The following WWP2 variants were observed in gnomAD, a reference collection of about 807,000 sequenced individuals.
WWP2 encodes the protein NEDD4-like E3 ubiquitin-protein ligase WWP2.
Under a neutral mutation model 121.0 loss-of-function variants are expected in WWP2, and 57 were observed. The observed-to-expected ratio is 0.47, with a 90% CI of 0.38 to 0.59. The LOEUF (loss-of-function observed/expected upper bound fraction) is 0.59. Among genes scored for constraint, WWP2 ranks in the 20% least tolerant of loss-of-function variants. WWP2 has a pLI of 0.00. For synonymous variants in WWP2, 449 were observed against 441.3 expected, an observed-to-expected ratio of 1.02 and a Z score of -0.22; for missense variants, 962 against 1,158.9, an observed-to-expected ratio of 0.83 and a Z score of 2.47.
rs914719823 is a variant in WWP2, at chr16:69,937,728, C to T, written c.2343+76C>T. 2.4e-5 allele frequency: 34 copies of T among 1,412,172 alleles called. No individual in the cohort carries two copies. The East Asian group carries it at 6.2e-4, about 26-fold the overall frequency. 87.5% of individuals were successfully genotyped at this position (1,412,172 alleles called of 1,614,324 possible). A position where few individuals can be genotyped will look rare whatever the true frequency, so the allele number is the denominator to read the frequency against. ...GGAAACGGGTCCTGAGGAGGCCTCA[C>T]GCGCAAGGACCTTCAGCTTTGGCCC... On this transcript the variant is annotated intron_variant, in intron 21 of 23. Coordinates refer to ENST00000359154, the MANE Select transcript of WWP2 (RefSeq NM_001270454.2). This position sits in a 1 kb window ranked among gnomAD's most constrained non-coding sequence, Gnocchi z 6.6.
intron 2 of WWP2, among the ~76,000 whole-genome samples, chr16:69,796,157 T>C (rs1298453947): frequency 6.6e-6 from 1 of 152,094 alleles, no homozygotes; most frequent in African/African-American, 2.4e-5. Context: ...TTAAAAAATG[T>C]GTTTGTTGGG....
chr16:69,796,034 G>A (rs777729788), intron 2 of WWP2, among the ~76,000 whole-genome samples: 10 of 149,082 alleles, frequency 6.7e-5, no homozygotes, highest in Admixed American at 3.3e-4. Context: ...TTTTTTTTGC[G>A]ATGATGGGCA....
At chr16:69,846,048 T>TGAAAAAAAAAAAA (rs1567700143) in intron 6 of WWP2, among the ~76,000 whole-genome samples, 2 of 1,734 alleles carry the variant, frequency 1.2e-3, no homozygotes, top group Admixed American at 4.9e-3. Context: ...AGACTCCATC[T>TGAAAAAAAAAAAA]CAAAAAAAAA....
At chr16:69,939,516 C>A (rs2058847965) in intron 23 of WWP2, 103 bp downstream of exon 23, 1 of 1,242,946 alleles carries the variant, frequency 8.0e-7, no homozygotes, top group Non-Finnish European at 1.1e-6. Context: ...AGTCTGGCAG[C>A]TTTTGCGTGG....
intron 8 of WWP2, chr16:69,890,775 T>A (rs1416344132): frequency 1.3e-5 from 2 of 152,198 alleles, no homozygotes; most frequent in Non-Finnish European, 2.9e-5. Context: ...GCTGGAAAAC[T>A]CCAGGCTCTG....
intron 7 of WWP2, among the ~76,000 whole-genome samples, chr16:69,878,641 C>T (rs982806374): frequency 1.3e-5 from 2 of 152,094 alleles, no homozygotes; most frequent in African/African-American, 2.4e-5. Context: ...GGATTGCAGA[C>T]GTGAGCCACT....
At chr16:69,817,499 C>G (rs191946008) in intron 4 of WWP2, among the ~76,000 whole-genome samples, 1 of 152,282 alleles carries the variant, frequency 6.6e-6, no homozygotes, top group East Asian at 1.9e-4. Flanking sequence ...ATCCACCCAC[C>G]TTGGCCTCCC....
chr16:69,935,761 C>T lies in WWP2; in HGVS notation c.1843-92C>T, dbSNP rs187965095. 83 of 1,516,342 alleles carry T rather than the reference C, an allele frequency of 5.5e-5. No individual in the cohort carries two copies. The Middle Eastern group carries it at 5.8e-4, about 11-fold the overall frequency. The allele number at this position is 1,516,342 out of a possible 1,614,324, so 93.9% of individuals were successfully genotyped here. The stretch of plus-strand genomic sequence containing the variant: ...TCTGTCAGGGAAGGAAGGCGGGTAG[C>T]GGTAGCAGAGTTTGATACCGAGCAT... On this transcript the variant is annotated intron_variant, in intron 17 of 23. Transcript: ENST00000359154. This position sits in a 1 kb window ranked among gnomAD's most constrained non-coding sequence, Gnocchi z 5.2.
At chr16:69,913,274 C>A (rs1413976646) in intron 9 of WWP2, among the ~76,000 whole-genome samples, 2 of 151,056 alleles carry the variant, frequency 1.3e-5, no homozygotes, top group African/African-American at 4.9e-5. Flanking sequence ...ATCAGGTGAG[C>A]CACCCACCTC....
Position 69,918,135 on chromosome 16 carries a change from TC to T in WWP2, c.1179+254del, listed in dbSNP as rs144194905. Among the ~76,000 whole-genome samples the T allele has an allele frequency of 1.9e-3, 283 of 152,344 alleles. 1 individual carries two copies. Among genetic ancestry groups the T allele is most frequent in the African/African-American group, 6.0e-3 (249 of 41,582 alleles). On this transcript the variant is annotated intron_variant, in intron 10 of 23. Transcript: ENST00000359154. ...CTAAAACTGAATTCCCCGTCTTTCT[TC>T]CGAGATCGGCTTTCATTTCTGCCCC... is the stretch of plus-strand genomic sequence containing the variant.
intron 21 of WWP2, among the ~76,000 whole-genome samples, chr16:69,938,803 G>T (rs1290183374): frequency 2.6e-5 from 4 of 152,230 alleles, no homozygotes; most frequent in Non-Finnish European, 5.9e-5. Flanking sequence ...GTGTCCCTGA[G>T]ACCCAGAGAT....
intron 4 of WWP2, among the ~76,000 whole-genome samples, chr16:69,833,386 C>T (rs191995202): frequency 3.4e-4 from 52 of 150,940 alleles, no homozygotes; most frequent in East Asian, 1.9e-4. Context: ...GATCTAGAGG[C>T]TGAGACTGAC....
At chr16:69,854,464 C>T (rs1035665861) in intron 6 of WWP2, among the ~76,000 whole-genome samples, 18 of 151,822 alleles carry the variant, frequency 1.2e-4, no homozygotes, top group African/African-American at 4.3e-4. Flanking sequence ...TTAGTGACTG[C>T]CTTTCTGGTG....
At chr16:69,886,230 C>T (rs887625619) in intron 7 of WWP2, among the ~76,000 whole-genome samples, 2 of 152,158 alleles carry the variant, frequency 1.3e-5, no homozygotes, top group African/African-American at 4.8e-5. Context: ...CAGGTGGGCA[C>T]CACCATGCCC....
intron 9 of WWP2, among the ~76,000 whole-genome samples, chr16:69,912,060 C>T (rs1194295405): frequency 1.3e-5 from 2 of 152,046 alleles, no homozygotes; most frequent in Admixed American, 6.6e-5. Context: ...GAGGCCGAGG[C>T]AGGTGGATCA....
At chr16:69,916,687 G>C (rs1229655493) in intron 9 of WWP2, among the ~76,000 whole-genome samples, 1 of 152,116 alleles carries the variant, frequency 6.6e-6, no homozygotes, top group Non-Finnish European at 1.5e-5. Flanking sequence ...TTGACATGAG[G>C]AGACTGAAGA....
chr16:69,863,939 A>G (rs1395003986), intron 6 of WWP2, among the ~76,000 whole-genome samples: 1 of 152,200 alleles, frequency 6.6e-6, no homozygotes, highest in Non-Finnish European at 1.5e-5. Context: ...TGTATGTACC[A>G]CAGTTGGTCT....
intron 17 of WWP2, among the ~76,000 whole-genome samples, chr16:69,934,874 G>A (rs554135607): frequency 6.6e-6 from 1 of 152,256 alleles, no homozygotes; most frequent in East Asian, 1.9e-4. Flanking sequence ...GCCCAGAGAG[G>A]GCGCGCCAGT....
intron 19 of WWP2, 148 bp downstream of exon 19, chr16:69,936,600 T>C (rs1396485759): frequency 2.5e-6 from 3 of 1,180,608 alleles, no homozygotes; most frequent in Non-Finnish European, 3.5e-6. Flanking sequence ...TGGGCGGTCA[T>C]GTGATGGCGC....
Sources: gnomAD v4.1 joint callset for allele counts (sites outside exome capture counted in the v4.1 genomes callset) on GRCh38, gnomAD v4.1.1 for gene constraint, Gnocchi (gnomAD v3.1) non-coding constraint, MANE v1.5 for transcripts, NCBI Gene and HGNC (gene_info 2026-07-23, HGNC 2026-07-21) for gene names.